Variants in C12orf42 observed in about 807,000 individuals in gnomAD.
C12orf42 encodes the protein chromosome 12 open reading frame 42, also known as uncharacterized protein C12orf42.
A neutral mutation model predicts 21.6 loss-of-function variants in C12orf42; 25 were observed. The ratio of observed to expected loss-of-function variants is 1.16; its 90% CI spans 0.84 to 1.62. The LOEUF is 1.62. Ranked by LOEUF, C12orf42 falls within the 40% of genes most tolerant of loss-of-function variation. C12orf42 has a pLI of 0.00. For synonymous variants in C12orf42, 174 were observed against 175.0 expected (o/e 0.99, Z 0.05); for missense variants, 483 against 459.3 (o/e 1.05, Z -0.47).
At chr12:103,388,126 G>A (rs1330125327) in intron 3 of C12orf42, among the ~76,000 whole-genome samples, 1 of 152,208 alleles carries the variant, frequency 6.6e-6, no homozygotes, top group Non-Finnish European at 1.5e-5. Context: ...TGCCCCTCCA[G>A]CGTGGAGCTT....
At chr12:103,434,232 T>C (rs1172170563) in intron 2 of C12orf42, among the ~76,000 whole-genome samples, 5 of 152,174 alleles carry the variant, frequency 3.3e-5, no homozygotes, top group Non-Finnish European at 1.5e-5. Context: ...CTGAGTTGCA[T>C]TGTCCCTGAC....
At chr12:103,113,279 C>G in the C12orf42 span, among the ~76,000 whole-genome samples, 2 of 152,152 alleles carry the variant, frequency 1.3e-5, no homozygotes. Flanking sequence ...TTTCGGCGTC[C>G]TTCCATCTTT....
chr12:103,332,179 A>G (rs1440132869), intron 4 of C12orf42, among the ~76,000 whole-genome samples: 2 of 152,186 alleles, frequency 1.3e-5, no homozygotes, highest in Non-Finnish European at 2.9e-5. Flanking sequence ...AAGTGCAGGG[A>G]TCTGGACTTA....
chr12:103,559,016 T>C, the C12orf42 span: 1 of 152,228 alleles, frequency 6.6e-6, no homozygotes, highest in Admixed American at 6.5e-5. Flanking sequence ...AGGAAAAGCC[T>C]GTCTTCAGGA....
the C12orf42 span, among the ~76,000 whole-genome samples, chr12:103,108,554 A>G: frequency 6.6e-6 from 1 of 152,122 alleles, no homozygotes; most frequent in African/African-American, 2.4e-5. Flanking sequence ...AAAAACAGAG[A>G]AAATACAACC....
chr12:103,341,378 TATTA>T (rs2042159627), intron 4 of C12orf42, among the ~76,000 whole-genome samples: 1 of 151,914 alleles, frequency 6.6e-6, no homozygotes, highest in Admixed American at 6.6e-5. Context: ...AAATTAAAAA[TATTA>T]ATAAGAATAT....
the C12orf42 span, among the ~76,000 whole-genome samples, chr12:103,140,067 A>T: frequency 6.6e-6 from 1 of 152,138 alleles, no homozygotes; most frequent in East Asian, 1.9e-4. Flanking sequence ...AGAACTAAAA[A>T]CCAGGGCCTC....
the C12orf42 span, among the ~76,000 whole-genome samples, chr12:103,202,662 A>AAGG: frequency 6.0e-4 from 92 of 152,250 alleles, no homozygotes; most frequent in Non-Finnish European, 1.2e-3. Context: ...ACTCCAATAT[A>AAGG]AGGAGCATTG....
At chr12:103,382,096 A>G (rs1264297857) in intron 3 of C12orf42, among the ~76,000 whole-genome samples, 2 of 152,218 alleles carry the variant, frequency 1.3e-5, no homozygotes, top group Admixed American at 6.5e-5. Context: ...ACAATTGAGA[A>G]CTGTGAGTAG....
At chr12:103,343,477 T>G (rs1199925165) in intron 4 of C12orf42, among the ~76,000 whole-genome samples, 1 of 151,898 alleles carries the variant, frequency 6.6e-6, no homozygotes, top group Non-Finnish European at 1.5e-5. Context: ...CTGGAATCAG[T>G]GCAAAAAAAC....
intron 4 of C12orf42, among the ~76,000 whole-genome samples, chr12:103,350,003 G>T (rs939779580): frequency 6.6e-6 from 1 of 152,060 alleles, no homozygotes; most frequent in Non-Finnish European, 1.5e-5. Flanking sequence ...GAATATTGTG[G>T]AAAGGGTTAA....
upstream of C12orf42, among the ~76,000 whole-genome samples, chr12:103,496,291 C>T (rs1221625712): frequency 6.6e-6 from 1 of 152,170 alleles, no homozygotes; most frequent in Non-Finnish European, 1.5e-5. Context: ...CCCCTTCCAC[C>T]TACTCATCTG....
chr12:103,348,749 T>C (rs1434607403), intron 4 of C12orf42, among the ~76,000 whole-genome samples: 1 of 151,852 alleles, frequency 6.6e-6, no homozygotes, highest in Non-Finnish European at 1.5e-5. Context: ...CAGGATAAAA[T>C]GACAATATAA....
At chr12:103,215,255 CTAA>C in the C12orf42 span, among the ~76,000 whole-genome samples, 4 of 151,762 alleles carry the variant, frequency 2.6e-5, no homozygotes, top group African/African-American at 7.3e-5. Context: ...GACACTGATA[CTAA>C]TAATAATGAT....
At chr12:103,342,980 G>A (rs1327012143) in intron 4 of C12orf42, among the ~76,000 whole-genome samples, 1 of 152,162 alleles carries the variant, frequency 6.6e-6, no homozygotes, top group Non-Finnish European at 1.5e-5. Context: ...AGCTGTCAGA[G>A]CTGTTTTACC....
At chr12:103,302,675 G>GAAAA in intron 5 of C12orf42, 116 bp from the exon 6 acceptor site, 1 of 714,652 alleles carries the variant, frequency 1.4e-6, no homozygotes, top group Non-Finnish European at 2.0e-6. Context: ...TGCTCAGAGG[G>GAAAA]GAAAGAAAAA....
chr12:103,272,297 C>T (rs1282909141), intron 5 of C12orf42, among the ~76,000 whole-genome samples: 1 of 152,140 alleles, frequency 6.6e-6, no homozygotes, highest in Admixed American at 6.6e-5. Context: ...GCAATCTGCT[C>T]AGTTGAACAT....
At chr12:103,528,243 T>C in the C12orf42 span, among the ~76,000 whole-genome samples, 1 of 152,092 alleles carries the variant, frequency 6.6e-6, no homozygotes, top group Non-Finnish European at 1.5e-5. Context: ...GATGAAGACA[T>C]AGATATAAGA....
intron 2 of C12orf42, among the ~76,000 whole-genome samples, chr12:103,438,054 C>G (rs1801017672): frequency 6.7e-6 from 1 of 150,368 alleles, no homozygotes; most frequent in South Asian, 2.2e-4. Context: ...AAAGCTTATC[C>G]ACCAAGATCA....
Sources: gnomAD v4.1 joint callset for allele counts (sites outside exome capture counted in the v4.1 genomes callset) on GRCh38, gnomAD v4.1.1 for gene constraint, MANE v1.5 for transcripts, NCBI Gene and HGNC (gene_info 2026-07-23, HGNC 2026-07-21) for gene names.